PFKFB4: variants seen among roughly 807,000 people sequenced by gnomAD.
PFKFB4 encodes 6-phosphofructo-2-kinase/fructose-2,6-biphosphatase 4.
Under a neutral mutation model 62.8 loss-of-function variants are expected in PFKFB4, and 42 were observed. The observed-to-expected ratio is 0.67, with a 90% CI of 0.52 to 0.86. The LOEUF (loss-of-function observed/expected upper bound fraction) is 0.86, where lower values mean the gene tolerates loss of function less well. PFKFB4 is among the 40% of genes least tolerant of loss of function. PFKFB4 has a pLI of 0.00. For synonymous variants in PFKFB4, 204 were observed against 240.7 expected (o/e 0.85, Z 1.41); for missense variants, 475 against 627.2 (o/e 0.76, Z 2.59).
upstream of PFKFB4, chr3:48,562,529 C>T (rs183044713): frequency 8.2e-4 from 437 of 535,560 alleles, 1 homozygote; most frequent in Non-Finnish European, 1.1e-3. This position sits in a 1 kb window ranked among gnomAD's most constrained non-coding sequence, Gnocchi z 4.3. Flanking sequence ...TGGCAAGACT[C>T]CATGTGGCAG....
Position 48,521,482 on chromosome 3 carries a change from C to A in PFKFB4, c.1350+504G>T, listed in dbSNP as rs2042092539. Among the ~76,000 whole-genome samples, 1 of 152,152 alleles carries A rather than the reference C, an allele frequency of 6.6e-6. No homozygotes were observed. The highest frequency in any genetic ancestry group is 2.1e-4 in the South Asian group (1 of 4,826). ...TGAGGCCCCTTCAGTATCTGCATGGCCCTTTCCCCAAAAGTACATGATCCC... is the reference window on the plus strand; with the variant it reads ...TGAGGCCCCTTCAGTATCTGCATGGACCTTTCCCCAAAAGTACATGATCCC... On this transcript the variant is annotated intron_variant, in intron 13 of 13. Transcript: ENST00000232375. This position sits in a 1 kb window ranked among gnomAD's most constrained non-coding sequence, Gnocchi z 5.3.
At chr3:48,537,516 CTTTTT>C (rs34454675) in intron 7 of PFKFB4, among the ~76,000 whole-genome samples, 2 of 91,390 alleles carry the variant, frequency 2.2e-5, no homozygotes, top group Non-Finnish European at 4.0e-5. Context: ...CATGTGCATC[CTTTTT>C]TTTTTTTTTT....
At chr3:48,543,729 C>A in intron 3 of PFKFB4, 83 bp from the exon 4 acceptor site, 1 of 1,036,708 alleles carries the variant, frequency 9.6e-7, no homozygotes, top group Non-Finnish European at 1.5e-6. Flanking sequence ...CAGGAGGAGA[C>A]ATGACAGGAG....
chr3:48,535,135 G>A (rs991173398), intron 9 of PFKFB4, among the ~76,000 whole-genome samples: 1 of 152,156 alleles, frequency 6.6e-6, no homozygotes, highest in Non-Finnish European at 1.5e-5. Context: ...AGAGACAAAG[G>A]CCGTGCTGGT....
In PFKFB4 at chr3:48,550,171, T is replaced by C; in HGVS notation, c.161A>G (p.Tyr54Cys). The stretch of plus-strand genomic sequence containing the variant: ...GTATCGAGTCAGCTTCTTGGAGATG[T>C]AGGTCTTGCCCCTGGCGGGCAGGCC... ...MVGLPARGKT[Y>C]ISKKLTRYLN... The change falls in exon 2 of 14, where the codon TAC becomes TGC. Residue 54 changes from tyrosine to cysteine, a missense_variant. Physicochemically the swap from Tyr to Cys is radical, Grantham distance 194. Transcript: ENST00000232375. 2 of 1,614,184 alleles carry C rather than the reference T, an allele frequency of 1.2e-6. No individual in the cohort carries two copies. The highest frequency in any genetic ancestry group is 1.7e-6 in the Non-Finnish European group (2 of 1,180,006).
Position 48,521,949 on chromosome 3 carries a change from G to C in PFKFB4, c.1350+37C>G. 1.3e-6 allele frequency: 2 copies of C among 1,582,164 alleles called. No homozygotes were observed. Among genetic ancestry groups the C allele is most frequent in the Non-Finnish European group, 1.7e-6 (2 of 1,150,934 alleles). ...TGCAGTCTGGACACCCCCACATCAG[G>C]AACACCCCGCTACCCCAGCAGTGAC... On this transcript the variant is annotated intron_variant, in intron 13 of 13. Coordinates refer to ENST00000232375, the MANE Select transcript of PFKFB4 (RefSeq NM_004567.4). The surrounding 1 kb of genome is among the most constrained non-coding windows in gnomAD (Gnocchi z 5.3).
chr3:48,556,832 C>G (rs1003685148), upstream of PFKFB4: 4 of 1,539,688 alleles, frequency 2.6e-6, no homozygotes, highest in Non-Finnish European at 3.5e-6. The surrounding 1 kb of genome is among the most constrained non-coding windows in gnomAD (Gnocchi z 5.7). Flanking sequence ...GCCGGGCCAC[C>G]TCGGGCCACC....
rs536848541 is a variant in PFKFB4, at chr3:48,549,991, G to A, written c.215-31C>T. ...GGGAAGGAGAGGCTCAGCTTTCACA[G>A]CAACAGCAACCCCTACCAACCCTGA... On this transcript the variant is annotated intron_variant, in intron 2 of 13. Coordinates refer to ENST00000232375, the MANE Select transcript of PFKFB4 (RefSeq NM_004567.4). The A allele has an allele frequency of 9.1e-6, 14 of 1,537,236 alleles. No homozygotes were observed. In the South Asian group the frequency reaches 1.6e-4, roughly 17 times the overall value.
rs186965436 is a variant in PFKFB4, at chr3:48,518,659, T to G, written c.*1088A>C. On this transcript the variant is annotated 3_prime_UTR_variant, in exon 14 of 14. Coordinates refer to ENST00000232375, the MANE Select transcript of PFKFB4 (RefSeq NM_004567.4). ...TGCTGCGGCCGGGAAAATCCTCCCT[T>G]GCCCAGGGACTGCCTATGGGTTCTG... The G allele has an allele frequency of 6.6e-6, 1 of 152,382 alleles. No homozygotes were observed. Among genetic ancestry groups the G allele is most frequent in the Non-Finnish European group, 1.5e-5 (1 of 68,060 alleles). The allele number at this position is 152,382 out of a possible 1,614,324, so 9.4% of individuals were successfully genotyped here.
intron 9 of PFKFB4, among the ~76,000 whole-genome samples, chr3:48,530,272 A>G (rs184646677): frequency 6.6e-6 from 1 of 152,234 alleles, no homozygotes; most frequent in East Asian, 1.9e-4. Context: ...ATAAATAAAT[A>G]AAAATAAAAT....
chr3:48,538,984 C>T (rs2042717414), intron 6 of PFKFB4, among the ~76,000 whole-genome samples: 1 of 152,074 alleles, frequency 6.6e-6, no homozygotes, highest in Admixed American at 6.6e-5. Context: ...AAATATAAAA[C>T]ATGCCCCTCA....
intron 13 of PFKFB4, 62 bp from the exon 14 acceptor site, chr3:48,519,868 T>C: frequency 7.5e-7 from 1 of 1,326,338 alleles, no homozygotes; most frequent in East Asian, 2.3e-5. Context: ...GCCTGCTGTC[T>C]GCCGTCCTCA....
At chr3:48,551,013 G>A (rs1299796560) in intron 1 of PFKFB4, among the ~76,000 whole-genome samples, 1 of 152,140 alleles carries the variant, frequency 6.6e-6, no homozygotes, top group Admixed American at 6.5e-5. Context: ...CAGAGACCCA[G>A]ACTGATGCCC....
intron 9 of PFKFB4, among the ~76,000 whole-genome samples, chr3:48,528,581 T>C (rs2042335766): frequency 6.6e-6 from 1 of 152,146 alleles, no homozygotes; most frequent in Admixed American, 6.6e-5. Context: ...GAGGATTGCT[T>C]GAGCCCAGGA....
At chr3:48,525,071 TCGAGTGAGCTGAGACC>T (rs1179433629) in intron 10 of PFKFB4, among the ~76,000 whole-genome samples, 10 of 152,042 alleles carry the variant, frequency 6.6e-5, no homozygotes, top group Non-Finnish European at 1.5e-4. Context: ...AGACAGGGAC[TCGAGTGAGCTGAGACC>T]CGAGTCCCAG....
chr3:48,554,918 C>T (rs1037210964), intron 1 of PFKFB4, among the ~76,000 whole-genome samples: 1 of 151,954 alleles, frequency 6.6e-6, no homozygotes, highest in Non-Finnish European at 1.5e-5. Context: ...GCCATGGTGG[C>T]GCATACCTGT....
rs1313346392 is a variant in PFKFB4, at chr3:48,521,232, A to C, written c.1350+754T>G. Reference sequence around the variant, plus strand: ...ATGGCAAGAGGCATGACTGAGGCCCAAGAGCCTTCTCCGTGCAGTGGCCTC... The same window carrying C: ...ATGGCAAGAGGCATGACTGAGGCCCCAGAGCCTTCTCCGTGCAGTGGCCTC... On this transcript the variant is annotated intron_variant, in intron 13 of 13. Transcript: ENST00000232375. The surrounding 1 kb of genome is among the most constrained non-coding windows in gnomAD (Gnocchi z 5.3). Among the ~76,000 whole-genome samples the C allele has an allele frequency of 6.6e-6, 1 of 152,186 alleles. No individual in the cohort carries two copies. Among genetic ancestry groups the C allele is most frequent in the Admixed American group, 6.5e-5 (1 of 15,276 alleles).
intron 9 of PFKFB4, 61 bp downstream of exon 9, chr3:48,535,451 A>T: frequency 7.0e-7 from 1 of 1,425,326 alleles, no homozygotes; most frequent in African/African-American, 1.4e-5. Flanking sequence ...TGTTGTTACA[A>T]TATGATGCAG....
Position 48,556,346 on chromosome 3 carries a change from A to G in PFKFB4, c.97+335T>C. On this transcript the variant is annotated intron_variant, in intron 1 of 13. Transcript: ENST00000232375. This position sits in a 1 kb window ranked among gnomAD's most constrained non-coding sequence, Gnocchi z 5.7. Reference sequence around the variant, plus strand: ...AGAGGGAAGGGCCTGGGGTGCCCACAGGGTCCTCCCCAGACTGGGGGCGAT... The same window carrying G: ...AGAGGGAAGGGCCTGGGGTGCCCACGGGGTCCTCCCCAGACTGGGGGCGAT... The G allele has an allele frequency of 1.9e-6, 1 of 528,290 alleles. No individual in the cohort carries two copies. Among genetic ancestry groups the G allele is most frequent in the Non-Finnish European group, 3.6e-6 (1 of 279,482 alleles). The allele number at this position is 528,290 out of a possible 1,614,324, so 32.7% of individuals were successfully genotyped here. A position where few individuals can be genotyped will look rare whatever the true frequency, so the allele number is the denominator to read the frequency against.
Sources: gnomAD v4.1 joint callset for allele counts (sites outside exome capture counted in the v4.1 genomes callset) on GRCh38, gnomAD v4.1.1 for gene constraint, Gnocchi (gnomAD v3.1) non-coding constraint, MANE v1.5 for transcripts, NCBI Gene and HGNC (gene_info 2026-07-23, HGNC 2026-07-21) for gene names.